Variants in LTBP1 observed in about 807,000 individuals in gnomAD.
LTBP1 encodes the protein latent transforming growth factor beta binding protein 1.
LTBP1 carries 129 observed loss-of-function variants against 207.6 expected under a neutral mutation model. That is an observed-to-expected ratio of 0.62 (90% CI 0.54 to 0.72). LTBP1 has a LOEUF of 0.72. LTBP1 is among the 30% of genes least tolerant of loss of function. The probability of loss-of-function intolerance (pLI) is 0.00; values close to 1 mark genes in which losing one functional copy is unlikely to be tolerated. For missense variants in LTBP1, 2,281 were observed against 2,217.2 expected, an observed-to-expected ratio of 1.03 and a Z score of -0.58; for synonymous variants, 963 against 833.7, an observed-to-expected ratio of 1.16 and a Z score of -2.67.
intron 4 of LTBP1, among the ~76,000 whole-genome samples, chr2:33,122,060 T>C (rs981452887): frequency 6.6e-6 from 1 of 150,902 alleles, no homozygotes; most frequent in African/African-American, 2.4e-5. Context: ...TTGTCATGGC[T>C]TCCTGTGGGT....
At chr2:33,192,811 C>G (rs559035923) in intron 7 of LTBP1, among the ~76,000 whole-genome samples, 1 of 152,228 alleles carries the variant, frequency 6.6e-6, no homozygotes, top group Non-Finnish European at 1.5e-5. Flanking sequence ...CAGCATGTGA[C>G]CAGGGCCTTC....
chr2:33,328,135 CAATA>C lies in LTBP1; in HGVS notation c.3730+12897_3730+12900del, dbSNP rs535099037. On this transcript the variant is annotated intron_variant, in intron 24 of 33. Transcript: ENST00000404816. ...GGACAACAAGAGTGAGACTCTGTCT[CAATA>C]AATAAATAAATAAATAAATAAATAA... is the stretch of plus-strand genomic sequence containing the variant. Among the ~76,000 whole-genome samples the C allele has an allele frequency of 4.9e-3, 663 of 134,198 alleles. 10 individuals are homozygous for C. The highest frequency in any genetic ancestry group is 0.018 in the African/African-American group (618 of 33,470). The allele number at this position is 134,198 out of a possible 152,430, so 88.0% of individuals were successfully genotyped here. A position where few individuals can be genotyped will look rare whatever the true frequency, so the allele number is the denominator to read the frequency against.
intron 23 of LTBP1, among the ~76,000 whole-genome samples, chr2:33,314,169 G>A (rs1051321179): frequency 6.6e-6 from 1 of 152,062 alleles, no homozygotes; most frequent in African/African-American, 2.4e-5. Flanking sequence ...GCTTTTTGAC[G>A]CTTCATTGTG....
chr2:33,370,800 A>G (rs1234363824), intron 31 of LTBP1, among the ~76,000 whole-genome samples: 2 of 152,098 alleles, frequency 1.3e-5, no homozygotes, highest in African/African-American at 4.8e-5. Context: ...TGCTTTGGGG[A>G]ACAATTCGTT....
At position 33,347,437 on chromosome 2, in the gene LTBP1, C is replaced by A; in HGVS notation, c.3927C>A (p.Phe1309Leu). 1.2e-6 allele frequency: 2 copies of A among 1,614,168 alleles called. No individual in the cohort carries two copies. The highest frequency in any genetic ancestry group is 1.3e-5 in the African/African-American group (1 of 75,040). The change falls in exon 26 of 34, where the codon TTC (phenylalanine) becomes TTA (leucine). Residue 1309 changes from phenylalanine (F) to leucine (L), a missense_variant. Physicochemically the swap from Phe to Leu is conservative, Grantham distance 22. This residue lies in a region of LTBP1 where 1,671 missense variants were observed against 1,634.8 expected (regional missense o/e 1.02). Coordinates refer to ENST00000404816, the MANE Select transcript of LTBP1 (RefSeq NM_206943.4). Reference sequence around the variant, plus strand: ...TCTGTGAAAACGTGGAAGGGTCCTTCCTGTGCGTGTGTGCTGATGAAAACC... The same window carrying A: ...TCTGTGAAAACGTGGAAGGGTCCTTACTGTGCGTGTGTGCTGATGAAAACC... ...EAFCENVEGS[F>L]LCVCADENQE... is the part of the protein sequence containing the mutation.
intron 18 of LTBP1, among the ~76,000 whole-genome samples, chr2:33,277,011 G>T (rs2093439379): frequency 6.6e-6 from 1 of 152,186 alleles, no homozygotes; most frequent in South Asian, 2.1e-4. Flanking sequence ...TGGTTCCTTG[G>T]GGTTCCCTGC....
intron 19 of LTBP1, among the ~76,000 whole-genome samples, chr2:33,280,450 G>A (rs2093537425): frequency 6.6e-6 from 1 of 152,162 alleles, no homozygotes. Flanking sequence ...GGAAGGAAGA[G>A]AGATGGAGAG....
chr2:32,965,719 A>G (rs529488715), intron 2 of LTBP1, among the ~76,000 whole-genome samples: 1 of 152,336 alleles, frequency 6.6e-6, no homozygotes, highest in South Asian at 2.1e-4. Flanking sequence ...TTATTTATCC[A>G]TCATCTGCTG....
In LTBP1 at chr2:33,161,315, G is replaced by A. The variant is rs538766757; in HGVS notation, c.1202-25541G>A. On this transcript the variant is annotated intron_variant, in intron 5 of 33. Coordinates refer to ENST00000404816, the MANE Select transcript of LTBP1 (RefSeq NM_206943.4). ...TGCCCTGTCTCCCAGGCTGGAGTGCGGTGACATGATTTCAGCTCTGTGCAA... is the reference window on the plus strand; with the variant it reads ...TGCCCTGTCTCCCAGGCTGGAGTGCAGTGACATGATTTCAGCTCTGTGCAA... Among the ~76,000 whole-genome samples, 10 of 147,256 alleles carry A rather than the reference G, an allele frequency of 6.8e-5. 1 individual carries two copies. In the South Asian group the frequency reaches 1.3e-3, roughly 19 times the overall value.
intron 22 of LTBP1, among the ~76,000 whole-genome samples, chr2:33,306,590 A>G (rs2094099890): frequency 6.6e-6 from 1 of 151,876 alleles, no homozygotes; most frequent in African/African-American, 2.4e-5. Context: ...ACCAAAAACC[A>G]GCATGAACAG....
At chr2:33,217,881 A>G (rs1330017423) in intron 8 of LTBP1, among the ~76,000 whole-genome samples, 2 of 152,202 alleles carry the variant, frequency 1.3e-5, no homozygotes, top group African/African-American at 4.8e-5. Context: ...TAGTTGGATT[A>G]CTTATGGGGA....
At chr2:33,115,341 A>G (rs1165606469) in intron 4 of LTBP1, among the ~76,000 whole-genome samples, 2 of 152,134 alleles carry the variant, frequency 1.3e-5, no homozygotes, top group African/African-American at 4.8e-5. Flanking sequence ...TGCCAGGGAC[A>G]GGGGAGAGTG....
intron 24 of LTBP1, among the ~76,000 whole-genome samples, chr2:33,335,882 T>C (rs2094548703): frequency 6.6e-6 from 1 of 152,220 alleles, no homozygotes. Context: ...TTAACCAATC[T>C]CAGTTGGTTA....
At chr2:33,178,337 A>G (rs1353400524) in intron 5 of LTBP1, among the ~76,000 whole-genome samples, 1 of 152,222 alleles carries the variant, frequency 6.6e-6, no homozygotes, top group African/African-American at 2.4e-5. Context: ...TGCAAGGTAT[A>G]AAACTAGATC....
intron 3 of LTBP1, among the ~76,000 whole-genome samples, chr2:33,059,988 T>A (rs2077185386): frequency 6.6e-6 from 1 of 152,214 alleles, no homozygotes; most frequent in Admixed American, 6.5e-5. Context: ...CTAAGAGAAG[T>A]TTGGAATAAG....
intron 2 of LTBP1, among the ~76,000 whole-genome samples, chr2:32,974,180 G>T (rs1361217240): frequency 6.6e-6 from 1 of 152,178 alleles, no homozygotes; most frequent in African/African-American, 2.4e-5. Flanking sequence ...CCTCCAAACT[G>T]TTCTCCATAG....
At chr2:33,215,714 TTGTTTTTTG>T (rs1200181710) in intron 7 of LTBP1, among the ~76,000 whole-genome samples, 2 of 136,318 alleles carry the variant, frequency 1.5e-5, no homozygotes, top group Non-Finnish European at 3.1e-5. Context: ...TGGTTTTCTT[TTGTTTTTTG>T]TTTTTTTTTT....
At chr2:33,238,910 AG>A (rs1414094096) in intron 9 of LTBP1, among the ~76,000 whole-genome samples, 1 of 152,152 alleles carries the variant, frequency 6.6e-6, no homozygotes, top group African/African-American at 2.4e-5. Context: ...TGAAATACTT[AG>A]GCTGTTTTAT....
intron 24 of LTBP1, among the ~76,000 whole-genome samples, chr2:33,331,620 AT>A (rs2094494809): frequency 1.3e-5 from 2 of 152,168 alleles, no homozygotes; most frequent in Admixed American, 6.5e-5. Flanking sequence ...GGCACAGAAT[AT>A]TATCAATTTT....
Sources: allele counts gnomAD v4.1 joint callset (sites outside exome capture counted in the v4.1 genomes callset), GRCh38; gene constraint gnomAD v4.1.1; regional missense constraint gnomAD v4.1.1; transcripts MANE v1.5; gene names NCBI Gene and HGNC (gene_info 2026-07-23, HGNC 2026-07-21).